The following BTBD9 variants were observed in gnomAD, a reference collection of about 807,000 sequenced individuals.
BTBD9 encodes BTB/POZ domain-containing protein 9.
BTBD9 carries 49 observed loss-of-function variants against 64.3 expected under a neutral mutation model. The observed-to-expected ratio is 0.76, with a 90% CI of 0.61 to 0.97. The LOEUF (loss-of-function observed/expected upper bound fraction) is 0.97, where lower values mean the gene tolerates loss of function less well. Among genes scored for constraint, BTBD9 ranks in the 50% least tolerant of loss-of-function variants. The pLI is 0.00. For missense variants in BTBD9, 598 were observed against 762.1 expected, an observed-to-expected ratio of 0.78 and a Z score of 2.53; for synonymous variants, 260 against 274.7, an observed-to-expected ratio of 0.95 and a Z score of 0.53.
At chr6:38,475,296 T>C (rs967971256) in intron 6 of BTBD9, among the ~76,000 whole-genome samples, 5 of 152,226 alleles carry the variant, frequency 3.3e-5, no homozygotes, top group Admixed American at 2.6e-4. Context: ...GTAATACTTA[T>C]ATTCTCAGAA....
intron 6 of BTBD9, among the ~76,000 whole-genome samples, chr6:38,477,036 T>C (rs1353816338): frequency 6.6e-6 from 1 of 152,120 alleles, no homozygotes; most frequent in African/African-American, 2.4e-5. Context: ...ACACCTGGGA[T>C]GGGTGGGGTT....
intron 6 of BTBD9, among the ~76,000 whole-genome samples, chr6:38,391,077 C>T (rs566916305): frequency 8.5e-5 from 13 of 152,256 alleles, no homozygotes; most frequent in African/African-American, 2.6e-4. Flanking sequence ...AAAGACTTCA[C>T]GTCTTACTCA....
At chr6:38,265,270 G>C (rs1241013273) in intron 8 of BTBD9, among the ~76,000 whole-genome samples, 1 of 151,936 alleles carries the variant, frequency 6.6e-6, no homozygotes, top group African/African-American at 2.4e-5. Context: ...CATTGAGAAA[G>C]GGGGATATTT....
At chr6:38,346,234 TC>T (rs774205626) in intron 6 of BTBD9, among the ~76,000 whole-genome samples, 7 of 152,222 alleles carry the variant, frequency 4.6e-5, no homozygotes, top group Non-Finnish European at 8.8e-5. Flanking sequence ...TCCTTACATT[TC>T]TCATCAGTCC....
intron 6 of BTBD9, among the ~76,000 whole-genome samples, chr6:38,368,464 A>T (rs1384977773): frequency 6.6e-6 from 1 of 151,972 alleles, no homozygotes; most frequent in Admixed American, 6.6e-5. Flanking sequence ...CCTCCTGAGT[A>T]GCTGGGATTA....
At chr6:38,415,910 T>A (rs1228013055) in intron 6 of BTBD9, among the ~76,000 whole-genome samples, 1 of 152,022 alleles carries the variant, frequency 6.6e-6, no homozygotes, top group East Asian at 1.9e-4. Flanking sequence ...GGCTCCTCAC[T>A]GACTTCGGGA....
At chr6:38,345,647 CCTTATATA>C (rs1442846622) in intron 6 of BTBD9, among the ~76,000 whole-genome samples, 1 of 152,200 alleles carries the variant, frequency 6.6e-6, no homozygotes. Flanking sequence ...AGGAAGTTAA[CCTTATATA>C]CTTACGCCAG....
chr6:38,198,592 T>A (rs775717816), intron 9 of BTBD9, among the ~76,000 whole-genome samples: 1 of 152,190 alleles, frequency 6.6e-6, no homozygotes, highest in East Asian at 1.9e-4. Flanking sequence ...TGGAAAACTA[T>A]GTGACTCTAC....
At chr6:38,258,855 A>G (rs764420159) in intron 8 of BTBD9, among the ~76,000 whole-genome samples, 25 of 152,184 alleles carry the variant, frequency 1.6e-4, no homozygotes, top group Non-Finnish European at 2.9e-4. Context: ...ATACCACTGC[A>G]CTCTGGCCCA....
At chr6:38,303,874 T>TATATACACAC (rs368257334) in intron 7 of BTBD9, among the ~76,000 whole-genome samples, 10 of 82,644 alleles carry the variant, frequency 1.2e-4, no homozygotes, top group African/African-American at 3.8e-4. Flanking sequence ...TATATATATA[T>TATATACACAC]ACACACACAC....
chr6:38,190,940 T>C (rs185003169), intron 10 of BTBD9, among the ~76,000 whole-genome samples: 93 of 152,326 alleles, frequency 6.1e-4, no homozygotes, highest in Admixed American at 1.8e-3. Context: ...CAGGGTTCCA[T>C]TTGGGAATTA....
intron 8 of BTBD9, among the ~76,000 whole-genome samples, chr6:38,267,127 T>C (rs1030301361): frequency 6.6e-6 from 1 of 152,226 alleles, no homozygotes; most frequent in Admixed American, 6.5e-5. Flanking sequence ...GCCCAGACGA[T>C]AGGGCTTAGC....
intron 6 of BTBD9, among the ~76,000 whole-genome samples, chr6:38,521,900 C>T (rs1306599059): frequency 6.6e-6 from 1 of 152,180 alleles, no homozygotes; most frequent in East Asian, 1.9e-4. Flanking sequence ...GTCTCCAACT[C>T]TTGACCCCAG....
rs1001357518 is a variant in BTBD9, at chr6:38,466,294, T to C, written c.1154+111306A>G. ...CATGCTTCCTTTTCCTTTTTTTTTT[T>C]TTTTTTTTTTTTTTTTAGATGGAGT... On this transcript the variant is annotated intron_variant, in intron 6 of 10. Transcript: ENST00000481247. Among the ~76,000 whole-genome samples the C allele has an allele frequency of 5.9e-3, 814 of 138,744 alleles. 4 individuals carry two copies. The highest frequency in any genetic ancestry group is 0.01 in the Non-Finnish European group (654 of 64,224). 91.0% of individuals were successfully genotyped at this position (138,744 alleles called of 152,430 possible). A position where few individuals can be genotyped will look rare whatever the true frequency, so the allele number is the denominator to read the frequency against.
intron 6 of BTBD9, among the ~76,000 whole-genome samples, chr6:38,550,021 CTTGTG>C (rs1774727015): frequency 6.6e-6 from 1 of 152,164 alleles, no homozygotes; most frequent in Non-Finnish European, 1.5e-5. Flanking sequence ...CTTTCTCAGT[CTTGTG>C]TACCGGATCT....
intron 8 of BTBD9, among the ~76,000 whole-genome samples, chr6:38,271,898 C>T (rs1765208178): frequency 6.7e-6 from 1 of 149,836 alleles, no homozygotes; most frequent in Non-Finnish European, 1.5e-5. Context: ...ACTGTGACAA[C>T]TGCAGTGGCA....
chr6:38,475,830 C>A (rs1006633172), intron 6 of BTBD9, among the ~76,000 whole-genome samples: 2 of 152,080 alleles, frequency 1.3e-5, no homozygotes, highest in African/African-American at 4.8e-5. Flanking sequence ...TCTAGCTCAA[C>A]CCCTGAAATG....
chr6:38,239,546 A>G (rs1763921732), intron 9 of BTBD9, among the ~76,000 whole-genome samples: 1 of 152,114 alleles, frequency 6.6e-6, no homozygotes, highest in Non-Finnish European at 1.5e-5. Flanking sequence ...GCTTCAGGAT[A>G]CCAAACCCTT....
chr6:38,532,425 T>G (rs1179407446), intron 6 of BTBD9, among the ~76,000 whole-genome samples: 1 of 152,138 alleles, frequency 6.6e-6, no homozygotes, highest in East Asian at 1.9e-4. Flanking sequence ...GCCGAGGGAC[T>G]GAGGGGACAA....
Sources: allele counts gnomAD v4.1 joint callset (sites outside exome capture counted in the v4.1 genomes callset), GRCh38; gene constraint gnomAD v4.1.1; transcripts MANE v1.5; gene names NCBI Gene and HGNC (gene_info 2026-07-23, HGNC 2026-07-21).